Variants in FGF10 observed in about 807,000 individuals in gnomAD.
FGF10 encodes the protein FGF-10.
A neutral mutation model predicts 19.8 loss-of-function variants in FGF10; 2 were observed. That is an observed-to-expected ratio of 0.10 (90% confidence interval 0.04 to 0.32). The LOEUF is 0.32. FGF10 is among the 10% of genes least tolerant of loss of function. The pLI is 1.00. For missense variants in FGF10, 191 were observed against 246.3 expected, an observed-to-expected ratio of 0.78 and a Z score of 1.50; for synonymous variants, 112 against 94.0, an observed-to-expected ratio of 1.19 and a Z score of -1.10.
In FGF10 at chr5:44,388,581, A is replaced by C. The variant is rs140279180; in HGVS notation, c.102T>G (p.Pro34=). Residue 34 remains proline (P), a synonymous_variant, in exon 1 of 3, where the codon CCT becomes CCG. Transcript: ENST00000264664. ...FLLLFLVSSV[P]VTCQALGQDM... is the part of the protein sequence containing the mutation. ...CCTGACCAAGGGCTTGGCAGGTGAC[A>C]GGGACGGAAGACACCAAGAACAGCA... The C allele has an allele frequency of 2.0e-5, 32 of 1,614,062 alleles. No individual in the cohort carries two copies. The African/African-American group carries it at 4.0e-4, about 20-fold the overall frequency.
intron 1 of FGF10, among the ~76,000 whole-genome samples, chr5:44,312,750 C>T (rs760252119): frequency 8.6e-5 from 13 of 152,046 alleles, no homozygotes; most frequent in Non-Finnish European, 1.3e-4. Flanking sequence ...GCAAGATATT[C>T]TCTTATGTAT....
rs113068529 is a variant in FGF10 at position 44,304,919 on chromosome 5, T to C, written c.*76A>G. 1 of 1,425,154 alleles carries C rather than the reference T, an allele frequency of 7.0e-7. No homozygotes were observed. The highest frequency in any genetic ancestry group is 1.4e-5 in the African/African-American group (1 of 71,228). 88.3% of individuals were successfully genotyped at this position (1,425,154 alleles called of 1,614,324 possible). A position where few individuals can be genotyped will look rare whatever the true frequency, so the allele number is the denominator to read the frequency against. On this transcript the variant is annotated 3_prime_UTR_variant, in exon 3 of 3. Coordinates refer to ENST00000264664, the MANE Select transcript of FGF10 (RefSeq NM_004465.2). ...AACGTGTCTTTGCCTTTCAATCTAC[T>C]GTCTTCATGAAGAATATCCACTATT...
At chr5:44,387,520 G>C (rs1742130773) in intron 1 of FGF10, among the ~76,000 whole-genome samples, 1 of 152,206 alleles carries the variant, frequency 6.6e-6, no homozygotes, top group African/African-American at 2.4e-5. Context: ...TGTGAATCCA[G>C]TCCCAGATGT....
intron 1 of FGF10, among the ~76,000 whole-genome samples, chr5:44,385,639 T>C (rs1742079806): frequency 6.6e-6 from 1 of 152,148 alleles, no homozygotes; most frequent in South Asian, 2.1e-4. Flanking sequence ...TACTGAAATG[T>C]GGTTTTTGGA....
At chr5:44,388,251 G>C in intron 1 of FGF10, 107 bp downstream of exon 1, 1 of 1,008,386 alleles carries the variant, frequency 9.9e-7, no homozygotes, top group Non-Finnish European at 1.6e-6. Flanking sequence ...TTTTACAGGG[G>C]TTGGGGACGT....
intron 1 of FGF10, among the ~76,000 whole-genome samples, chr5:44,328,052 G>A (rs1740651500): frequency 6.6e-6 from 1 of 152,110 alleles, no homozygotes; most frequent in South Asian, 2.1e-4. Context: ...ACTCTTAAAT[G>A]GCTGCACTTG....
At chr5:44,372,844 T>C (rs1168880257) in intron 1 of FGF10, among the ~76,000 whole-genome samples, 1 of 152,144 alleles carries the variant, frequency 6.6e-6, no homozygotes, top group Non-Finnish European at 1.5e-5. Context: ...TAAACTCCAC[T>C]AGGTTTCAAG....
At chr5:44,363,497 C>T (rs968119274) in intron 1 of FGF10, among the ~76,000 whole-genome samples, 1 of 151,840 alleles carries the variant, frequency 6.6e-6, no homozygotes, top group African/African-American at 2.4e-5. Context: ...AAGCTTTATG[C>T]TCTAAATTTT....
chr5:44,362,354 A>T (rs1741509293), intron 1 of FGF10, among the ~76,000 whole-genome samples: 1 of 151,670 alleles, frequency 6.6e-6, no homozygotes, highest in African/African-American at 2.4e-5. Flanking sequence ...TTCTTGCTCC[A>T]AACACTCAGA....
At chr5:44,365,181 C>A (rs1051276018) in intron 1 of FGF10, among the ~76,000 whole-genome samples, 4 of 151,648 alleles carry the variant, frequency 2.6e-5, no homozygotes, top group Non-Finnish European at 4.4e-5. Context: ...ATACCTAAGA[C>A]CTCCACTCAG....
chr5:44,304,900 T>C lies in FGF10; in HGVS notation c.*95A>G. On this transcript the variant is annotated 3_prime_UTR_variant, in exon 3 of 3. Transcript: ENST00000264664. ...TAAGCAAGCAGACATCTGCAACGTG[T>C]CTTTGCCTTTCAATCTACTGTCTTC... is the stretch of plus-strand genomic sequence containing the variant. 1 of 1,266,748 alleles carries C rather than the reference T, an allele frequency of 7.9e-7. No homozygotes were observed. The highest frequency in any genetic ancestry group is 1.2e-6 in the Non-Finnish European group (1 of 865,694). 78.5% of individuals were successfully genotyped at this position (1,266,748 alleles called of 1,614,324 possible).
chr5:44,330,477 A>C (rs1740706621), intron 1 of FGF10, among the ~76,000 whole-genome samples: 1 of 152,228 alleles, frequency 6.6e-6, no homozygotes, highest in Non-Finnish European at 1.5e-5. Flanking sequence ...AAACATTAAG[A>C]TATCACCAGC....
intron 1 of FGF10, among the ~76,000 whole-genome samples, chr5:44,321,533 C>T (rs1740487436): frequency 1.3e-5 from 2 of 152,114 alleles, no homozygotes; most frequent in Non-Finnish European, 2.9e-5. Flanking sequence ...GAGTAGCTGC[C>T]GTGACTAAAA....
chr5:44,319,054 A>G (rs201254687), intron 1 of FGF10, among the ~76,000 whole-genome samples: 1 of 152,138 alleles, frequency 6.6e-6, no homozygotes, highest in East Asian at 1.9e-4. Context: ...CTTACCTGTA[A>G]AGGTTACTTA....
rs1240691765 is a variant in FGF10 at position 44,303,766 on chromosome 5, A to G, written c.*1229T>C. ...TATATGGTTACACATATACCAGTAT[A>G]TATTTGATTTGCTCAGTTTAAGCCC... On this transcript the variant is annotated 3_prime_UTR_variant, in exon 3 of 3. Transcript: ENST00000264664. 1 of 152,182 alleles carries G rather than the reference A, an allele frequency of 6.6e-6. No homozygotes were observed. Among genetic ancestry groups the G allele is most frequent in the Non-Finnish European group, 1.5e-5 (1 of 68,024 alleles). 9.4% of individuals were successfully genotyped at this position (152,182 alleles called of 1,614,324 possible). A position where few individuals can be genotyped will look rare whatever the true frequency, so the allele number is the denominator to read the frequency against.
chr5:44,332,133 C>T (rs1321780412), intron 1 of FGF10, among the ~76,000 whole-genome samples: 1 of 152,074 alleles, frequency 6.6e-6, no homozygotes, highest in African/African-American at 2.4e-5. Context: ...GTTAAAGTCT[C>T]TCTCTCTCTC....
At chr5:44,306,202 C>T (rs1740072059) in intron 2 of FGF10, among the ~76,000 whole-genome samples, 1 of 152,050 alleles carries the variant, frequency 6.6e-6, no homozygotes, top group South Asian at 2.1e-4. Context: ...TCAAGACCAG[C>T]CTGGCCAACA....
At chr5:44,377,610 T>C (rs1173276994) in intron 1 of FGF10, among the ~76,000 whole-genome samples, 4 of 152,232 alleles carry the variant, frequency 2.6e-5, no homozygotes, top group African/African-American at 9.6e-5. Flanking sequence ...AATATTCATC[T>C]TCTATTCTTT....
chr5:44,375,152 G>A (rs891145697), intron 1 of FGF10, among the ~76,000 whole-genome samples: 2 of 152,138 alleles, frequency 1.3e-5, no homozygotes, highest in Non-Finnish European at 2.9e-5. Flanking sequence ...TATATAGAAA[G>A]AGGACTTATT....
Sources: allele counts gnomAD v4.1 joint callset (sites outside exome capture counted in the v4.1 genomes callset), GRCh38; gene constraint gnomAD v4.1.1; transcripts MANE v1.5; gene names NCBI Gene and HGNC (gene_info 2026-07-23, HGNC 2026-07-21).